The following LDB2 variants were observed in gnomAD, a reference collection of about 807,000 sequenced individuals.
LDB2 encodes the protein LIM domain-binding protein 2.
In LDB2, 12 loss-of-function variants were observed where a neutral mutation model predicts 44.3. That is an observed-to-expected ratio of 0.27 (90% CI 0.17 to 0.44). The LOEUF is 0.44. LDB2 is among the 20% of genes least tolerant of loss of function. The probability of loss-of-function intolerance (pLI) is 1.00; values close to 1 mark genes in which losing one functional copy is unlikely to be tolerated. For synonymous variants in LDB2, 164 were observed against 174.8 expected, an observed-to-expected ratio of 0.94 and a Z score of 0.49; for missense variants, 344 against 473.5, an observed-to-expected ratio of 0.73 and a Z score of 2.54.
chr4:16,770,726 G>A (rs1049447787), intron 1 of LDB2, among the ~76,000 whole-genome samples: 4 of 152,110 alleles, frequency 2.6e-5, no homozygotes, highest in African/African-American at 4.8e-5. Context: ...AAGAGGATTG[G>A]TTGTTTTTTA....
intron 1 of LDB2, among the ~76,000 whole-genome samples, chr4:16,867,440 A>G (rs1301138771): frequency 3.3e-5 from 5 of 152,190 alleles, no homozygotes; most frequent in African/African-American, 1.2e-4. Flanking sequence ...AGAGACAAGA[A>G]AAGGGAACTG....
chr4:16,778,426 C>G (rs549501268), intron 1 of LDB2, among the ~76,000 whole-genome samples: 7 of 152,140 alleles, frequency 4.6e-5, no homozygotes, highest in Non-Finnish European at 1.0e-4. Context: ...CCTGCAGAGG[C>G]TCCCTGCCCG....
At chr4:16,589,539 T>C (rs908255180) in intron 3 of LDB2, among the ~76,000 whole-genome samples, 3 of 152,202 alleles carry the variant, frequency 2.0e-5, no homozygotes, top group Non-Finnish European at 2.9e-5. Context: ...GTCTCTTCCT[T>C]GATAGAGTAA....
intron 2 of LDB2, among the ~76,000 whole-genome samples, chr4:16,740,385 C>A (rs899153492): frequency 1.3e-5 from 2 of 152,238 alleles, no homozygotes; most frequent in African/African-American, 4.8e-5. Flanking sequence ...TTATAGGTGT[C>A]TATCACGATG....
At chr4:16,515,069 A>T (rs1346101122) in intron 5 of LDB2, among the ~76,000 whole-genome samples, 1 of 152,220 alleles carries the variant, frequency 6.6e-6, no homozygotes, top group Non-Finnish European at 1.5e-5. Flanking sequence ...GATAAAGAAA[A>T]TGTGGTACAC....
intron 1 of LDB2, among the ~76,000 whole-genome samples, chr4:16,768,937 C>T (rs187527279): frequency 6.9e-4 from 105 of 152,252 alleles, no homozygotes; most frequent in African/African-American, 2.2e-3. Context: ...CAAATTGCCA[C>T]GAAAGAGTTC....
intron 1 of LDB2, among the ~76,000 whole-genome samples, chr4:16,789,125 G>T (rs1286756489): frequency 6.6e-6 from 1 of 152,168 alleles, no homozygotes; most frequent in African/African-American, 2.4e-5. Flanking sequence ...GAGGTGGCCT[G>T]AGAAGATGCC....
intron 2 of LDB2, among the ~76,000 whole-genome samples, chr4:16,721,311 G>A (rs480450): frequency 1.3e-5 from 2 of 151,892 alleles, no homozygotes; most frequent in Non-Finnish European, 2.9e-5. Context: ...TGAAGCAAAC[G>A]GATAGATAAT....
intron 2 of LDB2, among the ~76,000 whole-genome samples, chr4:16,751,750 T>C (rs1159497592): frequency 6.6e-6 from 1 of 152,226 alleles, no homozygotes; most frequent in Non-Finnish European, 1.5e-5. Context: ...GAAGGCAATG[T>C]CTGACAAACA....
At chr4:16,616,062 T>C (rs548515353) in intron 2 of LDB2, among the ~76,000 whole-genome samples, 4 of 152,302 alleles carry the variant, frequency 2.6e-5, no homozygotes, top group Admixed American at 1.3e-4. Flanking sequence ...CTCTACCCCC[T>C]TACCCTAATT....
intron 2 of LDB2, among the ~76,000 whole-genome samples, chr4:16,644,661 C>T (rs558158757): frequency 4.1e-4 from 62 of 152,258 alleles, no homozygotes; most frequent in African/African-American, 1.4e-3. Flanking sequence ...AGCTTCTGAC[C>T]TCAAGTCATC....
At chr4:16,878,787 G>A (rs1466075574) in intron 1 of LDB2, among the ~76,000 whole-genome samples, 1 of 152,120 alleles carries the variant, frequency 6.6e-6, no homozygotes, top group Non-Finnish European at 1.5e-5. Flanking sequence ...TGCCATCTTG[G>A]CATCGCATGT....
At chr4:16,750,777 T>A (rs1389682224) in intron 2 of LDB2, 1 of 152,196 alleles carries the variant, frequency 6.6e-6, no homozygotes, top group African/African-American at 2.4e-5. Flanking sequence ...GTATTGCATT[T>A]GTATACTTAC....
At chr4:16,769,460 C>T (rs1451683534) in intron 1 of LDB2, among the ~76,000 whole-genome samples, 1 of 151,988 alleles carries the variant, frequency 6.6e-6, no homozygotes, top group East Asian at 1.9e-4. Context: ...CCATGCCCAG[C>T]TAATTTTTGT....
chr4:16,525,637 T>C (rs1172162867), intron 5 of LDB2, among the ~76,000 whole-genome samples: 1 of 152,190 alleles, frequency 6.6e-6, no homozygotes, highest in East Asian at 1.9e-4. Flanking sequence ...TTCTAGGTGC[T>C]GGGGGTGCTA....
At chr4:16,653,367 C>A (rs1408688099) in intron 2 of LDB2, among the ~76,000 whole-genome samples, 1 of 152,180 alleles carries the variant, frequency 6.6e-6, no homozygotes, top group African/African-American at 2.4e-5. Flanking sequence ...CAATATCGAG[C>A]TGACAATTGG....
intron 2 of LDB2, among the ~76,000 whole-genome samples, chr4:16,622,960 A>C (rs952286272): frequency 6.6e-6 from 1 of 152,162 alleles, no homozygotes; most frequent in Admixed American, 6.5e-5. Flanking sequence ...TTATTTTTCT[A>C]TATATACCAC....
At chr4:16,634,062 G>GTGGAAAACTGGCTAGCCATATA (rs1254518262) in intron 2 of LDB2, among the ~76,000 whole-genome samples, 1 of 152,126 alleles carries the variant, frequency 6.6e-6, no homozygotes, top group African/African-American at 2.4e-5. Flanking sequence ...CTAGCCATAT[G>GTGGAAAACTGGCTAGCCATATA]TAGAAAACTG....
At chr4:16,645,543 CAAAAAAAAA>C (rs34869059) in intron 2 of LDB2, among the ~76,000 whole-genome samples, 1 of 85,512 alleles carries the variant, frequency 1.2e-5, no homozygotes, top group African/African-American at 4.7e-5. Flanking sequence ...GACTCCGTCT[CAAAAAAAAA>C]AAAAAAAAAA....
Sources: gnomAD v4.1 joint callset for allele counts (sites outside exome capture counted in the v4.1 genomes callset) on GRCh38, gnomAD v4.1.1 for gene constraint, MANE v1.5 for transcripts, NCBI Gene and HGNC (gene_info 2026-07-23, HGNC 2026-07-21) for gene names.